The following HEATR4 variants were observed in gnomAD, a reference collection of about 807,000 sequenced individuals.
The protein encoded by HEATR4 is HEAT repeat-containing protein 4.
HEATR4 carries 95 observed loss-of-function variants against 108.8 expected under a neutral mutation model. The observed-to-expected ratio is 0.87, with a 90% confidence interval of 0.74 to 1.04. The LOEUF is 1.04. Among genes scored for constraint, HEATR4 ranks in the 50% least tolerant of loss-of-function variants. HEATR4 has a pLI of 0.00. For missense variants in HEATR4, 1,152 were observed against 1,253.8 expected (o/e 0.92, Z 1.23); for synonymous variants, 443 against 459.4 (o/e 0.96, Z 0.46).
chr14:73,621,954 G>A, the HEATR4 span, among the ~76,000 whole-genome samples: 1 of 151,624 alleles, frequency 6.6e-6, no homozygotes, highest in African/African-American at 2.4e-5. Context: ...GTAGAGATGA[G>A]GTCTCATTAC....
At chr14:73,622,002 A>T in the HEATR4 span, among the ~76,000 whole-genome samples, 2 of 151,942 alleles carry the variant, frequency 1.3e-5, no homozygotes, top group Non-Finnish European at 2.9e-5. Flanking sequence ...GGCTCAAGCG[A>T]ACTGCCCCCC....
chr14:73,483,946 T>C (rs1425206447), intron 17 of HEATR4, among the ~76,000 whole-genome samples: 1 of 151,690 alleles, frequency 6.6e-6, no homozygotes, highest in African/African-American at 2.4e-5. Context: ...CCTCCGCCTC[T>C]CAGGTTCAAG....
At chr14:73,491,856 G>C (rs757370164) in intron 17 of HEATR4, 10 of 1,609,848 alleles carry the variant, frequency 6.2e-6, no homozygotes, top group Non-Finnish European at 8.5e-6. Context: ...CCACCCGGCC[G>C]CGCGCTGCCC....
chr14:73,521,494 A>G (rs1595132999), intron 3 of HEATR4, among the ~76,000 whole-genome samples: 1 of 152,170 alleles, frequency 6.6e-6, no homozygotes, highest in East Asian at 1.9e-4. Context: ...TTGCTTTTAC[A>G]TTGTATTCCC....
At chr14:73,584,518 G>A in the HEATR4 span, among the ~76,000 whole-genome samples, 2 of 149,086 alleles carry the variant, frequency 1.3e-5, no homozygotes, top group Non-Finnish European at 3.0e-5. Context: ...CTTGCTAGGT[G>A]CCCTGTGATC....
At chr14:73,483,333 T>A (rs1385151954) in intron 17 of HEATR4, among the ~76,000 whole-genome samples, 1 of 152,206 alleles carries the variant, frequency 6.6e-6, no homozygotes, top group Non-Finnish European at 1.5e-5. Flanking sequence ...CAGGTGTTTT[T>A]TATTTGTTTG....
chr14:73,523,002 A>G lies in HEATR4; in HGVS notation c.151T>C (p.Phe51Leu), dbSNP rs1005510164. 6.2e-6 allele frequency: 10 copies of G among 1,614,094 alleles called. No homozygotes were observed. The highest frequency in any genetic ancestry group is 8.5e-6 in the Non-Finnish European group (10 of 1,180,054). ...CGGTGTAGACGGTACTGTGAGCTGA[A>G]GAAGACCATAGGCACACTGGAGACA... Reference protein sequence around the residue: ...ASVSSVPMVFFSSQYRLHRKS... With the variant: ...ASVSSVPMVFLSSQYRLHRKS... The change falls in exon 3 of 18, where the codon TTC becomes CTC. Residue 51 changes from phenylalanine to leucine, a missense_variant. Transcript: ENST00000553558.
In HEATR4 at chr14:73,509,441, G is replaced by T; in HGVS notation, c.1591C>A (p.Leu531Met). 6.2e-7 allele frequency: 1 copy of T among 1,614,096 alleles called. No homozygotes were observed. The highest frequency in any genetic ancestry group is 8.5e-7 in the Non-Finnish European group (1 of 1,180,020). Residue 531 changes from leucine (L) to methionine (M), a missense_variant, in exon 8 of 18, where the codon CTG becomes ATG. Coordinates refer to ENST00000553558, the MANE Select transcript of HEATR4 (RefSeq NM_001220484.1). ...CAAAGAGCAGCCTCTAGGGCAGGCA[G>T]TAGAACCTCCGGCAAGTCCTGGATG... ...KTIQDLPEVL[L>M]PALEAALCDK...
chr14:73,629,699 C>G, the HEATR4 span, among the ~76,000 whole-genome samples: 31 of 151,108 alleles, frequency 2.1e-4, 1 homozygote, highest in East Asian at 5.6e-3. Context: ...GGCTGGAGTG[C>G]AGTGGTGCAA....
At chr14:73,607,082 T>C in the HEATR4 span, among the ~76,000 whole-genome samples, 1 of 152,032 alleles carries the variant, frequency 6.6e-6, no homozygotes, top group African/African-American at 2.4e-5. Context: ...GAGGCCGAGG[T>C]GGGTGGATCA....
intron 2 of HEATR4, among the ~76,000 whole-genome samples, chr14:73,525,709 T>C (rs10139259): frequency 0.042 from 6,386 of 152,104 alleles, 168 homozygotes; most frequent in Middle Eastern, 0.088. Flanking sequence ...TCCCAGAACT[T>C]TGGGAGGCTA....
chr14:73,609,563 T>G, the HEATR4 span, among the ~76,000 whole-genome samples: 2 of 152,230 alleles, frequency 1.3e-5, no homozygotes, highest in African/African-American at 2.4e-5. Flanking sequence ...TGCCTGATAT[T>G]GCTGCTTCCA....
chr14:73,486,780 G>C (rs1240645980), intron 17 of HEATR4, among the ~76,000 whole-genome samples: 1 of 151,976 alleles, frequency 6.6e-6, no homozygotes. Context: ...TATAGATGAA[G>C]TGAAAGTGAC....
the HEATR4 span, among the ~76,000 whole-genome samples, chr14:73,629,053 T>C: frequency 9.8e-6 from 1 of 101,932 alleles, no homozygotes; most frequent in South Asian, 3.5e-4. Flanking sequence ...GAGAGTATGT[T>C]CCCAAAAAAA....
In HEATR4 at chr14:73,514,145, G is replaced by C; in HGVS notation, c.1300C>G (p.Pro434Ala). The C allele has an allele frequency of 6.2e-7, 1 of 1,614,112 alleles. No individual in the cohort carries two copies. Among genetic ancestry groups the C allele is most frequent in the South Asian group, 1.1e-5 (1 of 91,078 alleles). The part of the protein sequence containing the change: ...MLLQVGEKDV[P>A]IKTRRLKKQA... ...TTCTTCAATCTCCTGGTCTTAATAGGCACATCCTTCTCACCCACCTGCAGC... is the reference window on the plus strand; with the variant it reads ...TTCTTCAATCTCCTGGTCTTAATAGCCACATCCTTCTCACCCACCTGCAGC... Residue 434 changes from proline to alanine, a missense_variant, in exon 6 of 18, where the codon CCT becomes GCT. Pro to Ala is a conservative substitution (Grantham distance 27). Coordinates refer to ENST00000553558, the MANE Select transcript of HEATR4 (RefSeq NM_001220484.1).
In HEATR4 at chr14:73,542,960, G is replaced by A; in HGVS notation, c.-151-12716C>T. ...ATGGTAGAACCCAGATTCAGACTCA[G>A]GTTCAACTAACTTCCAGGGTGGGCA... is the stretch of plus-strand genomic sequence containing the variant. On this transcript the variant is annotated intron_variant, in intron 1 of 17. Transcript: ENST00000553558. 2 of 1,188,806 alleles carry A rather than the reference G, an allele frequency of 1.7e-6. 1 individual carries two copies. The highest frequency in any genetic ancestry group is 2.2e-6 in the Non-Finnish European group (2 of 895,470). The allele number at this position is 1,188,806 out of a possible 1,614,324, so 73.6% of individuals were successfully genotyped here. A position where few individuals can be genotyped will look rare whatever the true frequency, so the allele number is the denominator to read the frequency against.
In HEATR4 at chr14:73,512,194, G is replaced by A. The variant is rs749467107; in HGVS notation, c.1415-45C>T. On this transcript the variant is annotated intron_variant, in intron 6 of 17. Coordinates refer to ENST00000553558, the MANE Select transcript of HEATR4 (RefSeq NM_001220484.1). ...ATGAAAAGAGAACCACCTGGTTAGGGTTAGATATTGTGCTGCAGGCAGGTG... is the reference window on the plus strand; with the variant it reads ...ATGAAAAGAGAACCACCTGGTTAGGATTAGATATTGTGCTGCAGGCAGGTG... The A allele has an allele frequency of 3.1e-6, 5 of 1,606,462 alleles. No individual in the cohort carries two copies. The South Asian group carries it at 4.4e-5, about 14-fold the overall frequency.
chr14:73,568,377 G>C, the HEATR4 span, among the ~76,000 whole-genome samples: 2 of 151,946 alleles, frequency 1.3e-5, no homozygotes, highest in South Asian at 4.2e-4. Flanking sequence ...CACACCTCTG[G>C]TGAAACCAAT....
the HEATR4 span, among the ~76,000 whole-genome samples, chr14:73,612,172 G>C: frequency 6.6e-6 from 1 of 151,906 alleles, no homozygotes; most frequent in Non-Finnish European, 1.5e-5. Flanking sequence ...CTCCCAAGTA[G>C]CCGGGATTAC....
Sources: gnomAD v4.1 joint callset for allele counts (sites outside exome capture counted in the v4.1 genomes callset) on GRCh38, gnomAD v4.1.1 for gene constraint, MANE v1.5 for transcripts, NCBI Gene and HGNC (gene_info 2026-07-23, HGNC 2026-07-21) for gene names.